The following CLMP variants were observed in gnomAD, a reference collection of about 807,000 sequenced individuals.
The protein encoded by CLMP is CXADR-like membrane protein.
In CLMP, 27 loss-of-function variants were observed where a neutral mutation model predicts 45.2. The observed-to-expected ratio is 0.60, with a 90% confidence interval of 0.44 to 0.82. The LOEUF is 0.82. CLMP is among the 40% of genes least tolerant of loss of function. The pLI, the probability that CLMP is intolerant of heterozygous loss-of-function variation, is 0.00. For synonymous variants in CLMP, 167 were observed against 171.4 expected (o/e 0.97, Z 0.20); for missense variants, 403 against 448.4 (o/e 0.90, Z 0.91).
intron 1 of CLMP, among the ~76,000 whole-genome samples, chr11:123,105,975 C>A (rs1189277161): frequency 1.3e-5 from 2 of 152,022 alleles, no homozygotes. Flanking sequence ...CGCCACCACG[C>A]CTGGCTAATT....
chr11:123,078,700 A>G (rs1865768173), intron 5 of CLMP, among the ~76,000 whole-genome samples: 1 of 143,996 alleles, frequency 6.9e-6, no homozygotes, highest in South Asian at 2.2e-4. Context: ...GCTGGAGTGC[A>G]GTGGCGGGAT....
chr11:123,084,503 C>A lies in CLMP; in HGVS notation c.388+9G>T. 1 of 1,610,294 alleles carries A rather than the reference C, an allele frequency of 6.2e-7. No individual in the cohort carries two copies. The highest frequency in any genetic ancestry group is 8.5e-7 in the Non-Finnish European group (1 of 1,176,522). Reference sequence around the variant, plus strand: ...AGCTGTAGACATTCACTTTGGCATCCTATCTTACCTAAGACTTTTAAGATG... The same window carrying A: ...AGCTGTAGACATTCACTTTGGCATCATATCTTACCTAAGACTTTTAAGATG... On this transcript the variant is annotated intron_variant, in intron 3 of 6. Coordinates refer to ENST00000448775, the MANE Select transcript of CLMP (RefSeq NM_024769.5).
chr11:123,159,457 A>G (rs1306405837), intron 1 of CLMP, among the ~76,000 whole-genome samples: 1 of 152,178 alleles, frequency 6.6e-6, no homozygotes, highest in Admixed American at 6.5e-5. Flanking sequence ...AGCCTGGGGT[A>G]CCCTCCAGGC....
At chr11:123,083,920 A>G in intron 3 of CLMP, 73 bp from the exon 4 acceptor site, 1 of 1,555,476 alleles carries the variant, frequency 6.4e-7, no homozygotes, top group South Asian at 1.2e-5. Flanking sequence ...TGGAAAAATT[A>G]TGTCCTATTG....
At chr11:123,150,792 C>T (rs1029307195) in intron 1 of CLMP, among the ~76,000 whole-genome samples, 4 of 152,240 alleles carry the variant, frequency 2.6e-5, no homozygotes, top group Non-Finnish European at 5.9e-5. Context: ...TCTCGGCTCA[C>T]TGCAACCTCT....
chr11:123,189,095 T>A (rs1307384405), intron 1 of CLMP, among the ~76,000 whole-genome samples: 1 of 152,218 alleles, frequency 6.6e-6, no homozygotes, highest in Non-Finnish European at 1.5e-5. Context: ...ACATGATGTG[T>A]GTAGAAGTAG....
chr11:123,160,510 G>A (rs1374945816), intron 1 of CLMP, among the ~76,000 whole-genome samples: 8 of 152,104 alleles, frequency 5.3e-5, no homozygotes, highest in South Asian at 2.1e-4. Flanking sequence ...GATATGCAAC[G>A]AGAAACTTGG....
At chr11:123,194,776 G>A (rs1861956367) in intron 1 of CLMP, 137 bp downstream of exon 1, 3 of 1,037,256 alleles carry the variant, frequency 2.9e-6, no homozygotes, top group South Asian at 1.4e-5. Context: ...GCTCCTCCGT[G>A]GCCAGGAGGC....
At chr11:123,078,860 G>T (rs1167298602) in intron 5 of CLMP, among the ~76,000 whole-genome samples, 2 of 152,200 alleles carry the variant, frequency 1.3e-5, no homozygotes, top group African/African-American at 4.8e-5. Flanking sequence ...TAGCCAGGAT[G>T]GTCTCGATCT....
In CLMP at chr11:123,072,456, A is replaced by C. The variant is rs1304536689; in HGVS notation, c.*1018T>G. 1 of 152,140 alleles carries C rather than the reference A, an allele frequency of 6.6e-6. No homozygotes were observed. Among genetic ancestry groups the C allele is most frequent in the Non-Finnish European group, 1.5e-5 (1 of 68,024 alleles). 9.4% of individuals were successfully genotyped at this position (152,140 alleles called of 1,614,324 possible). A position where few individuals can be genotyped will look rare whatever the true frequency, so the allele number is the denominator to read the frequency against. ...CCCGGCTACCTTCCTTGACATATTA[A>C]GAGAAAACTGATCTAATCTCCCTTT... is the stretch of plus-strand genomic sequence containing the variant. On this transcript the variant is annotated 3_prime_UTR_variant, in exon 7 of 7. Transcript: ENST00000448775.
chr11:123,150,480 A>AAAGGAAGGAAGGAAGGAAGG (rs71057397), intron 1 of CLMP, among the ~76,000 whole-genome samples: 23 of 40,984 alleles, frequency 5.6e-4, no homozygotes, highest in African/African-American at 1.2e-3. Context: ...AGAAAGAAAG[A>AAAGGAAGGAAGGAAGGAAGG]AAGGAAGGAA....
intron 6 of CLMP, among the ~76,000 whole-genome samples, chr11:123,074,479 G>A (rs1301900703): frequency 1.3e-5 from 2 of 152,076 alleles, no homozygotes; most frequent in East Asian, 3.9e-4. Flanking sequence ...ACCACGCCCA[G>A]CCTAATTTAA....
intron 1 of CLMP, among the ~76,000 whole-genome samples, chr11:123,120,245 A>AC (rs1860795136): frequency 6.6e-6 from 1 of 152,138 alleles, no homozygotes; most frequent in Non-Finnish European, 1.5e-5. Flanking sequence ...ACACAGTGAG[A>AC]CCCCATCTCC....
chr11:123,123,304 G>A (rs1860844745), intron 1 of CLMP, among the ~76,000 whole-genome samples: 1 of 135,766 alleles, frequency 7.4e-6, no homozygotes, highest in Admixed American at 8.2e-5. Flanking sequence ...CTGTCACTCA[G>A]GTTGGAGTGC....
intron 1 of CLMP, chr11:123,136,128 T>C (rs148580290): frequency 0.012 from 7,400 of 623,844 alleles, 106 homozygotes; most frequent in Middle Eastern, 0.013. Context: ...ACTAGCAATC[T>C]GACGGCAAGA....
chr11:123,175,643 T>C (rs1034318045), intron 1 of CLMP, among the ~76,000 whole-genome samples: 1 of 152,244 alleles, frequency 6.6e-6, no homozygotes, highest in Admixed American at 6.5e-5. Flanking sequence ...TTATCTTTTA[T>C]GCAAAAATAC....
intron 1 of CLMP, among the ~76,000 whole-genome samples, chr11:123,104,932 G>C (rs899328889): frequency 1.3e-5 from 2 of 152,214 alleles, no homozygotes; most frequent in African/African-American, 4.8e-5. Flanking sequence ...TGCAAGTAAG[G>C]GAATAGTCTC....
At chr11:123,131,049 GC>G (rs1860980013) in intron 1 of CLMP, among the ~76,000 whole-genome samples, 1 of 151,996 alleles carries the variant, frequency 6.6e-6, no homozygotes, top group South Asian at 2.1e-4. Context: ...CACCATGTTG[GC>G]CAGGCTGGTC....
At chr11:123,114,376 A>G (rs1374703938) in intron 1 of CLMP, among the ~76,000 whole-genome samples, 2 of 151,968 alleles carry the variant, frequency 1.3e-5, no homozygotes, top group East Asian at 3.9e-4. Flanking sequence ...CTCCCTAAGG[A>G]GGGGCAGAAG....
Sources: gnomAD v4.1 joint callset for allele counts (sites outside exome capture counted in the v4.1 genomes callset) on GRCh38, gnomAD v4.1.1 for gene constraint, MANE v1.5 for transcripts, NCBI Gene and HGNC (gene_info 2026-07-23, HGNC 2026-07-21) for gene names.